The following CNTNAP5 variants were observed in gnomAD, a reference collection of about 807,000 sequenced individuals.
CNTNAP5 encodes the protein contactin-associated protein-like 5.
A neutral mutation model predicts 150.2 loss-of-function variants in CNTNAP5; 72 were observed. The observed-to-expected ratio is 0.48, with a 90% CI of 0.40 to 0.58. The LOEUF (loss-of-function observed/expected upper bound fraction) is 0.58, where lower values mean the gene tolerates loss of function less well. Ranked by LOEUF, CNTNAP5 falls within the 20% of genes least tolerant of loss-of-function variation. CNTNAP5 has a pLI of 0.00. For synonymous variants in CNTNAP5, 672 were observed against 619.8 expected (o/e 1.08, Z -1.25); for missense variants, 1,636 against 1,626.2 (o/e 1.01, Z -0.10).
At chr2:124,424,255 A>C (rs1211031517) in intron 4 of CNTNAP5, among the ~76,000 whole-genome samples, 1 of 152,142 alleles carries the variant, frequency 6.6e-6, no homozygotes, top group African/African-American at 2.4e-5. Flanking sequence ...CATACATGGT[A>C]GAGGCCACAC....
chr2:124,188,129 G>T (rs917511236), intron 1 of CNTNAP5, among the ~76,000 whole-genome samples: 1 of 152,196 alleles, frequency 6.6e-6, no homozygotes, highest in African/African-American at 2.4e-5. Flanking sequence ...GGAGCTGGGA[G>T]ACCCTGTGCA....
At chr2:124,739,733 T>G (rs1195177950) in intron 13 of CNTNAP5, among the ~76,000 whole-genome samples, 2 of 152,194 alleles carry the variant, frequency 1.3e-5, no homozygotes, top group Non-Finnish European at 2.9e-5. Flanking sequence ...CGGCACACTT[T>G]GTCGAAGTCC....
At chr2:124,828,840 A>G (rs1197078470) in intron 19 of CNTNAP5, among the ~76,000 whole-genome samples, 2 of 149,848 alleles carry the variant, frequency 1.3e-5, no homozygotes, top group Non-Finnish European at 3.0e-5. Flanking sequence ...AATGAGGACT[A>G]TAGCCCCAGA....
At chr2:124,383,011 C>A (rs931585255) in intron 3 of CNTNAP5, among the ~76,000 whole-genome samples, 3 of 152,078 alleles carry the variant, frequency 2.0e-5, no homozygotes, top group African/African-American at 7.2e-5. Context: ...CTCCTACAAA[C>A]CCGCTGCGAA....
intron 8 of CNTNAP5, among the ~76,000 whole-genome samples, chr2:124,510,309 A>ATC (rs1402553054): frequency 8.2e-6 from 1 of 121,712 alleles, no homozygotes; most frequent in Non-Finnish European, 1.6e-5. Context: ...ATCTATATAT[A>ATC]TATCTATATA....
At chr2:124,108,622 G>T (rs964799445) in intron 1 of CNTNAP5, among the ~76,000 whole-genome samples, 2 of 152,118 alleles carry the variant, frequency 1.3e-5, no homozygotes. Context: ...CACATTAGAA[G>T]TATATGGGAA....
intron 7 of CNTNAP5, among the ~76,000 whole-genome samples, chr2:124,493,965 T>TACAC (rs58843895): frequency 0.011 from 1,617 of 143,906 alleles, 29 homozygotes; most frequent in African/African-American, 0.033. Context: ...AAACCATAAA[T>TACAC]ACACACACAC....
At chr2:124,460,856 T>A (rs1266455123) in intron 6 of CNTNAP5, among the ~76,000 whole-genome samples, 1 of 152,158 alleles carries the variant, frequency 6.6e-6, no homozygotes, top group African/African-American at 2.4e-5. Flanking sequence ...ATAGAATAGT[T>A]ATAGATCCTT....
chr2:124,085,029 C>T (rs1167923950), intron 1 of CNTNAP5, among the ~76,000 whole-genome samples: 1 of 142,090 alleles, frequency 7.0e-6, no homozygotes, highest in East Asian at 2.3e-4. Context: ...TGAAGCAATT[C>T]TCCTGCCTCA....
At chr2:124,908,703 C>G (rs1678591606) in intron 22 of CNTNAP5, among the ~76,000 whole-genome samples, 1 of 152,062 alleles carries the variant, frequency 6.6e-6, no homozygotes, top group Non-Finnish European at 1.5e-5. Context: ...CATGTGGTAC[C>G]TCTTGCATAT....
intron 16 of CNTNAP5, among the ~76,000 whole-genome samples, chr2:124,764,653 T>C (rs1251930130): frequency 6.6e-6 from 1 of 152,206 alleles, no homozygotes; most frequent in East Asian, 1.9e-4. Flanking sequence ...ATAAACTTGA[T>C]GCCAGGATGT....
At chr2:124,427,665 C>T (rs1692272833) in intron 4 of CNTNAP5, among the ~76,000 whole-genome samples, 1 of 152,114 alleles carries the variant, frequency 6.6e-6, no homozygotes, top group South Asian at 2.1e-4. Context: ...CAATGCTGGT[C>T]AGGCTGGTTT....
intron 10 of CNTNAP5, among the ~76,000 whole-genome samples, chr2:124,531,379 C>T (rs528066255): frequency 6.6e-6 from 1 of 152,266 alleles, no homozygotes; most frequent in African/African-American, 2.4e-5. Context: ...CACGGACCAG[C>T]ACTGGTTCTG....
At chr2:124,830,900 G>A (rs1258312156) in intron 19 of CNTNAP5, among the ~76,000 whole-genome samples, 1 of 151,958 alleles carries the variant, frequency 6.6e-6, no homozygotes, top group African/African-American at 2.4e-5. Context: ...CACAAATCAG[G>A]TGCAGTGAAA....
chr2:124,892,197 T>C (rs776176421), intron 21 of CNTNAP5, among the ~76,000 whole-genome samples: 12 of 152,164 alleles, frequency 7.9e-5, no homozygotes, highest in Non-Finnish European at 1.3e-4. Context: ...CAGTCAAATG[T>C]AAATTTAACT....
chr2:124,910,209 A>T (rs1678627389), intron 22 of CNTNAP5, among the ~76,000 whole-genome samples: 6 of 151,976 alleles, frequency 3.9e-5, no homozygotes, highest in Admixed American at 3.9e-4. Context: ...GCTGTGTGGC[A>T]AGTGCTGTGG....
chr2:124,477,320 A>G (rs759725076), intron 7 of CNTNAP5, among the ~76,000 whole-genome samples: 1 of 152,094 alleles, frequency 6.6e-6, no homozygotes, highest in Non-Finnish European at 1.5e-5. Flanking sequence ...AATCTATAAG[A>G]ATTTTTTTGT....
intron 13 of CNTNAP5, among the ~76,000 whole-genome samples, chr2:124,658,265 A>T (rs1400683558): frequency 2.0e-5 from 3 of 152,142 alleles, no homozygotes; most frequent in Non-Finnish European, 4.4e-5. Flanking sequence ...TCTGACTCCC[A>T]GCTTTGCCAT....
chr2:124,364,382 C>T (rs1489008899), intron 3 of CNTNAP5, among the ~76,000 whole-genome samples: 1 of 152,176 alleles, frequency 6.6e-6, no homozygotes, highest in Non-Finnish European at 1.5e-5. Context: ...ACCTGCCTCA[C>T]TTCTGTCACC....
Sources: allele counts gnomAD v4.1 joint callset (sites outside exome capture counted in the v4.1 genomes callset), GRCh38; gene constraint gnomAD v4.1.1; transcripts MANE v1.5; gene names NCBI Gene and HGNC (gene_info 2026-07-23, HGNC 2026-07-21).